Variants in KLHL29 observed in about 807,000 individuals in gnomAD.
KLHL29 encodes the protein kelch-like protein 29.
Under a neutral mutation model 80.4 loss-of-function variants are expected in KLHL29, and 21 were observed. That is an observed-to-expected ratio of 0.26 (90% CI 0.19 to 0.38). The LOEUF is 0.38. KLHL29 is among the 10% of genes least tolerant of loss of function. KLHL29 has a pLI of 1.00. For synonymous variants in KLHL29, 511 were observed against 526.8 expected, an observed-to-expected ratio of 0.97 and a Z score of 0.41; for missense variants, 867 against 1,223.9, an observed-to-expected ratio of 0.71 and a Z score of 4.35.
chr2:23,639,605 C>A (rs1362728392), intron 4 of KLHL29, among the ~76,000 whole-genome samples: 1 of 152,196 alleles, frequency 6.6e-6, no homozygotes, highest in East Asian at 1.9e-4. Flanking sequence ...TTTCTCGAGT[C>A]ATGCCTTCCA....
intron 2 of KLHL29, among the ~76,000 whole-genome samples, chr2:23,518,173 C>T (rs954035206): frequency 9.2e-5 from 14 of 152,198 alleles, no homozygotes; most frequent in Admixed American, 7.9e-4. Flanking sequence ...TCAGCCCCTC[C>T]GTGGGGACCC....
intron 3 of KLHL29, among the ~76,000 whole-genome samples, chr2:23,588,604 A>G (rs569801548): frequency 6.6e-6 from 1 of 152,344 alleles, no homozygotes; most frequent in African/African-American, 2.4e-5. Context: ...CTTATAGAAC[A>G]GGCAGATTCC....
chr2:23,520,055 T>C (rs1240368031), intron 2 of KLHL29, among the ~76,000 whole-genome samples: 2 of 152,170 alleles, frequency 1.3e-5, no homozygotes, highest in East Asian at 3.8e-4. Context: ...CCCCAAGATA[T>C]TTTCCTTTCA....
At chr2:23,401,803 G>A (rs1488545082) in intron 1 of KLHL29, among the ~76,000 whole-genome samples, 2 of 152,200 alleles carry the variant, frequency 1.3e-5, no homozygotes, top group Non-Finnish European at 2.9e-5. Flanking sequence ...TTCTCTAGAA[G>A]GCTCTGCCAG....
chr2:23,509,578 C>G (rs543085733), intron 2 of KLHL29, among the ~76,000 whole-genome samples: 1 of 152,202 alleles, frequency 6.6e-6, no homozygotes, highest in African/African-American at 2.4e-5. Flanking sequence ...AAATGAATTA[C>G]TGAATGCAAA....
intron 3 of KLHL29, among the ~76,000 whole-genome samples, chr2:23,605,772 C>A (rs1018487702): frequency 4.7e-5 from 6 of 126,710 alleles, no homozygotes; most frequent in Non-Finnish European, 1.0e-4. Flanking sequence ...CTGGGAAAAC[C>A]GTTTTTTTTT....
intron 6 of KLHL29, chr2:23,691,399 C>A: frequency 2.0e-6 from 1 of 502,860 alleles, no homozygotes; most frequent in Non-Finnish European, 3.6e-6. Context: ...GTCCTCGTCC[C>A]CATCCATAGC....
At chr2:23,529,124 TAG>T (rs1669974245) in intron 2 of KLHL29, among the ~76,000 whole-genome samples, 1 of 152,238 alleles carries the variant, frequency 6.6e-6, no homozygotes, top group South Asian at 2.1e-4. Flanking sequence ...TAATTTTTTT[TAG>T]AGACAAGTTC....
At chr2:23,599,618 A>G (rs900811518) in intron 3 of KLHL29, among the ~76,000 whole-genome samples, 3 of 152,190 alleles carry the variant, frequency 2.0e-5, no homozygotes, top group Admixed American at 2.0e-4. Flanking sequence ...ATGTGTGTAC[A>G]TATACACAGA....
rs7568813 is a variant in KLHL29, at chr2:23,541,846, T to C, written c.-45-20306T>C. On this transcript the variant is annotated intron_variant, in intron 2 of 13. Coordinates refer to ENST00000486442, the MANE Select transcript of KLHL29 (RefSeq NM_052920.2). ...GCTGGTGCCTTCTTGTGTGAGATGA[T>C]TTGTGGATTGAGGCCCCAAGTCCAG... Among the ~76,000 whole-genome samples, 1,392 of 151,674 alleles carry C rather than the reference T, an allele frequency of 9.2e-3. 14 individuals carry two copies. Among genetic ancestry groups the C allele is most frequent in the African/African-American group, 0.033 (1,350 of 41,228 alleles).
At chr2:23,592,648 T>A (rs562291726) in intron 3 of KLHL29, among the ~76,000 whole-genome samples, 2 of 152,332 alleles carry the variant, frequency 1.3e-5, no homozygotes, top group African/African-American at 4.8e-5. Flanking sequence ...GAATCCATCC[T>A]CTTTCCATAG....
chr2:23,693,310 A>G lies in KLHL29; in HGVS notation c.1324A>G (p.Met442Val). Residue 442 changes from methionine (M) to valine (V), a missense_variant, in exon 8 of 14, where the codon ATG (methionine) becomes GTG (valine). This residue lies in a region of KLHL29 where 443 missense variants were observed against 767.0 expected (regional missense o/e 0.58). Transcript: ENST00000486442. ...TASNCLGVLAMAEAMQCSELY... is the reference protein window; with the variant it reads ...TASNCLGVLAVAEAMQCSELY... ...CAGCAACTGCCTGGGCGTGCTGGCC[A>G]TGGCCGAGGCCATGCAGTGCAGCGA... 3 of 1,549,084 alleles carry G rather than the reference A, an allele frequency of 1.9e-6. No individual in the cohort carries two copies. The highest frequency in any genetic ancestry group is 2.6e-6 in the Non-Finnish European group (3 of 1,145,572).
chr2:23,702,176 C>A lies in KLHL29; in HGVS notation c.2106-1010C>A, dbSNP rs370707774. Reference sequence around the variant, plus strand: ...TTCCAGCCATTCCATACTATGGGAGCACCTTGACTGATGATGGGGTTATGT... The same window carrying A: ...TTCCAGCCATTCCATACTATGGGAGAACCTTGACTGATGATGGGGTTATGT... On this transcript the variant is annotated intron_variant, in intron 11 of 13. Coordinates refer to ENST00000486442, the MANE Select transcript of KLHL29 (RefSeq NM_052920.2). Among the ~76,000 whole-genome samples, 149 of 152,112 alleles carry A rather than the reference C, an allele frequency of 9.8e-4. 1 individual carries two copies. Among genetic ancestry groups the A allele is most frequent in the Non-Finnish European group, 1.5e-3 (104 of 68,008 alleles).
chr2:23,585,415 G>A (rs935716263), intron 3 of KLHL29, among the ~76,000 whole-genome samples: 1 of 152,190 alleles, frequency 6.6e-6, no homozygotes, highest in African/African-American at 2.4e-5. Context: ...CTACTCCTGG[G>A]TCAGTTCTGT....
At chr2:23,516,789 A>G (rs1665946478) in intron 2 of KLHL29, among the ~76,000 whole-genome samples, 1 of 152,248 alleles carries the variant, frequency 6.6e-6, no homozygotes, top group Admixed American at 6.5e-5. Flanking sequence ...TGGGGAGGCC[A>G]CAGAGGAATT....
intron 1 of KLHL29, among the ~76,000 whole-genome samples, chr2:23,470,838 G>A (rs533455499): frequency 2.2e-4 from 34 of 152,250 alleles, no homozygotes; most frequent in Admixed American, 4.6e-4. Context: ...TCCGGACCCC[G>A]GCTCATGAAC....
chr2:23,485,804 T>G (rs1278489726), intron 2 of KLHL29, among the ~76,000 whole-genome samples: 2 of 152,156 alleles, frequency 1.3e-5, no homozygotes, highest in Non-Finnish European at 2.9e-5. Flanking sequence ...TGTGCCTCAG[T>G]TTCTTCATGT....
intron 11 of KLHL29, chr2:23,697,216 G>A (rs186467214): frequency 6.6e-6 from 1 of 152,416 alleles, no homozygotes; most frequent in Non-Finnish European, 1.5e-5. Context: ...CAGGCATGAG[G>A]GGCGTGGGCT....
intron 3 of KLHL29, among the ~76,000 whole-genome samples, chr2:23,598,649 A>G (rs1278301849): frequency 6.6e-6 from 1 of 152,256 alleles, no homozygotes; most frequent in Non-Finnish European, 1.5e-5. Context: ...GAAGACTTCC[A>G]GGCTGCTCAT....
Sources: gnomAD v4.1 joint callset for allele counts (sites outside exome capture counted in the v4.1 genomes callset) on GRCh38, gnomAD v4.1.1 for gene constraint, gnomAD v4.1.1 regional missense constraint, MANE v1.5 for transcripts, NCBI Gene and HGNC (gene_info 2026-07-23, HGNC 2026-07-21) for gene names.